GRAMD1B: variants seen among roughly 807,000 people sequenced by gnomAD.
GRAMD1B encodes protein Aster-B.
GRAMD1B carries 37 observed loss-of-function variants against 99.7 expected under a neutral mutation model. The observed-to-expected ratio is 0.37, with a 90% CI of 0.29 to 0.49. The LOEUF is 0.49. Among genes scored for constraint, GRAMD1B ranks in the 20% least tolerant of loss-of-function variants. The pLI is 0.98. For synonymous variants in GRAMD1B, 427 were observed against 387.6 expected, an observed-to-expected ratio of 1.10 and a Z score of -1.19; for missense variants, 888 against 1,009.2, an observed-to-expected ratio of 0.88 and a Z score of 1.63.
At position 123,603,559 on chromosome 11, in the gene GRAMD1B, C is replaced by A; in HGVS notation, c.1166+18C>A. 1 of 1,511,116 alleles carries A rather than the reference C, an allele frequency of 6.6e-7. No homozygotes were observed. The highest frequency in any genetic ancestry group is 9.2e-7 in the Non-Finnish European group (1 of 1,086,124). The allele number at this position is 1,511,116 out of a possible 1,614,324, so 93.6% of individuals were successfully genotyped here. On this transcript the variant is annotated intron_variant, in intron 9 of 19. Transcript: ENST00000635736. Reference sequence around the variant, plus strand: ...ACAATGGGGTGAGTGAGGCCAAGGGCGGCTGCCCAGAGGCAGCCGTGCGAG... The same window carrying A: ...ACAATGGGGTGAGTGAGGCCAAGGGAGGCTGCCCAGAGGCAGCCGTGCGAG...
rs560275583 is a variant in GRAMD1B, at chr11:123,525,924, T to C, written c.452+45031T>C. On this transcript the variant is annotated intron_variant, in intron 2 of 19. Transcript: ENST00000635736. ...GGCTGGATTTGCAGAATCTGTCCTT[T>C]GCCTCCAAGCCCAGCTTTCAGCTGG... 1.8e-4 allele frequency: 106 copies of C among 573,582 alleles called. 1 individual carries two copies. The East Asian group carries it at 3.0e-3, about 16-fold the overall frequency. The allele number at this position is 573,582 out of a possible 1,614,324, so 35.5% of individuals were successfully genotyped here. A position where few individuals can be genotyped will look rare whatever the true frequency, so the allele number is the denominator to read the frequency against.
chr11:123,480,747 C>T (rs1951551213), intron 1 of GRAMD1B, 69 bp from the exon 2 acceptor site: 1 of 398,560 alleles, frequency 2.5e-6, no homozygotes, highest in East Asian at 3.6e-5. Flanking sequence ...TAGTTGAAGT[C>T]TAAGTGACCT....
chr11:123,404,639 C>A (rs1005304433), intron 1 of GRAMD1B, among the ~76,000 whole-genome samples: 2 of 152,242 alleles, frequency 1.3e-5, no homozygotes, highest in Non-Finnish European at 2.9e-5. Context: ...TCATTCTAAT[C>A]TTCTCCTTTT....
rs142469964 is a variant in GRAMD1B at position 123,525,818 on chromosome 11, C to T, written c.452+44925C>T. 8.2e-4 allele frequency: 304 copies of T among 370,400 alleles called. 2 individuals carry two copies. Among genetic ancestry groups the T allele is most frequent in the Non-Finnish European group, 1.2e-3 (248 of 198,782 alleles). 22.9% of individuals were successfully genotyped at this position (370,400 alleles called of 1,614,324 possible). A position where few individuals can be genotyped will look rare whatever the true frequency, so the allele number is the denominator to read the frequency against. ...TTGACGGCAACTCCAGGGCTTGTTTCGCGCAGCCTTGCCAGCATTACCCAT... is the reference window on the plus strand; with the variant it reads ...TTGACGGCAACTCCAGGGCTTGTTTTGCGCAGCCTTGCCAGCATTACCCAT... On this transcript the variant is annotated intron_variant, in intron 2 of 19. Transcript: ENST00000635736.
intron 2 of GRAMD1B, among the ~76,000 whole-genome samples, chr11:123,561,722 C>T (rs1472890339): frequency 6.6e-6 from 1 of 152,256 alleles, no homozygotes; most frequent in African/African-American, 2.4e-5. Context: ...GCTCCTCTAC[C>T]TCCTGCCTCT....
At chr11:123,399,675 TCTCG>T (rs1372771868) in intron 1 of GRAMD1B, among the ~76,000 whole-genome samples, 3 of 152,182 alleles carry the variant, frequency 2.0e-5, no homozygotes, top group Non-Finnish European at 4.4e-5. Context: ...AGTGGCATGA[TCTCG>T]GCTCACTGCA....
intron 2 of GRAMD1B, among the ~76,000 whole-genome samples, chr11:123,524,347 T>C (rs1280707538): frequency 6.6e-6 from 1 of 151,146 alleles, no homozygotes; most frequent in African/African-American, 2.4e-5. Context: ...TATTTTATTT[T>C]ATTTTTTGTT....
At chr11:123,550,809 G>A (rs1304245238) in intron 2 of GRAMD1B, among the ~76,000 whole-genome samples, 1 of 152,230 alleles carries the variant, frequency 6.6e-6, no homozygotes, top group African/African-American at 2.4e-5. Flanking sequence ...GTAAGCCAGA[G>A]TGTGGTCACT....
chr11:123,460,046 G>C (rs1384500012), intron 1 of GRAMD1B: 2 of 152,094 alleles, frequency 1.3e-5, no homozygotes, highest in Admixed American at 6.6e-5. Flanking sequence ...ATTGGATATA[G>C]GCCAGGAGTG....
At chr11:123,392,672 C>T (rs564022067) in intron 1 of GRAMD1B, among the ~76,000 whole-genome samples, 62 of 152,158 alleles carry the variant, frequency 4.1e-4, no homozygotes, top group Admixed American at 6.6e-4. Context: ...AGCCCTAATG[C>T]CTGGTGCAGT....
chr11:123,377,884 C>G (rs1022014373), intron 1 of GRAMD1B, among the ~76,000 whole-genome samples: 1 of 152,222 alleles, frequency 6.6e-6, no homozygotes. Flanking sequence ...GCGCTTCCAG[C>G]TGAAAAGTGG....
rs1294356290 is a variant in GRAMD1B, at chr11:123,591,583, CTGCACCCTTGTTA to C, written c.685-2495_685-2483del. On this transcript the variant is annotated intron_variant, in intron 4 of 19. Transcript: ENST00000635736. This position sits in a 1 kb window ranked among gnomAD's most constrained non-coding sequence, Gnocchi z 4.7. ...GTTTCTCTGAGTCTCTGTGGTAGTT[CTGCACCCTTGTTA>C]TGCCACTTGGCTCTCCTACCCGAAG... 1 of 398,212 alleles carries C rather than the reference CTGCACCCTTGTTA, an allele frequency of 2.5e-6. No individual in the cohort carries two copies. Among genetic ancestry groups the C allele is most frequent in the Admixed American group, 4.4e-5 (1 of 22,692 alleles). The allele number at this position is 398,212 out of a possible 1,614,324, so 24.7% of individuals were successfully genotyped here.
chr11:123,399,955 A>G (rs1031602648), intron 1 of GRAMD1B, among the ~76,000 whole-genome samples: 2 of 152,090 alleles, frequency 1.3e-5, no homozygotes, highest in Non-Finnish European at 2.9e-5. Context: ...GTGTGAGGTA[A>G]TATCTCATTG....
chr11:123,364,352 G>T (rs935001348), intron 1 of GRAMD1B, among the ~76,000 whole-genome samples: 1 of 152,306 alleles, frequency 6.6e-6, no homozygotes, highest in South Asian at 2.1e-4. Flanking sequence ...CTATAAAAAG[G>T]TATCTTCGTC....
intron 1 of GRAMD1B, among the ~76,000 whole-genome samples, chr11:123,479,819 G>T (rs188146429): frequency 6.6e-6 from 1 of 152,156 alleles, no homozygotes; most frequent in African/African-American, 2.4e-5. Context: ...AACTTCATTT[G>T]TGGACACTAA....
chr11:123,379,381 G>A lies in GRAMD1B; in HGVS notation c.-176+20582G>A, dbSNP rs113676063. ...GTAGGGCAAGCTCAGGCTGTGAAGA[G>A]AGACACTGCTTTTTGTTGAGATATC... On this transcript the variant is annotated intron_variant, in intron 1 of 20. Coordinates refer to the GRAMD1B transcript ENST00000638157. Among the ~76,000 whole-genome samples the A allele has an allele frequency of 6.3e-3, 956 of 152,166 alleles. 9 individuals carry two copies. Among genetic ancestry groups the A allele is most frequent in the African/African-American group, 0.022 (904 of 41,502 alleles).
chr11:123,570,819 A>C lies in GRAMD1B; in HGVS notation c.453-6548A>C, dbSNP rs540404501. 3.3e-4 allele frequency among the ~76,000 whole-genome samples: 50 copies of C among 152,358 alleles called. 2 individuals carry two copies. In the South Asian group the frequency reaches 9.3e-3, roughly 28 times the overall value. ...TTACTTAGGTTATTTCATTTAACAC[A>C]GTAGTCCTATGAGATAGGTGTTTGT... On this transcript the variant is annotated intron_variant, in intron 2 of 19. Transcript: ENST00000635736.
intron 1 of GRAMD1B, among the ~76,000 whole-genome samples, chr11:123,411,379 G>A (rs1264756572): frequency 1.3e-5 from 2 of 152,056 alleles, no homozygotes; most frequent in African/African-American, 4.8e-5. Flanking sequence ...ATGGTGCCTG[G>A]CATATAGCAG....
chr11:123,626,960 C>A lies in GRAMD1B; in HGVS notation c.*4365C>A, dbSNP rs1305453586. 2 of 152,342 alleles carry A rather than the reference C, an allele frequency of 1.3e-5. No homozygotes were observed. The highest frequency in any genetic ancestry group is 1.3e-4 in the Admixed American group (2 of 15,262). The allele number at this position is 152,342 out of a possible 1,614,324, so 9.4% of individuals were successfully genotyped here. On this transcript the variant is annotated 3_prime_UTR_variant, in exon 20 of 20. Coordinates refer to ENST00000635736, the MANE Select transcript of GRAMD1B (RefSeq NM_001387025.1). The stretch of plus-strand genomic sequence containing the variant: ...TCTGCCCAGCCTTGTTACCTCACTT[C>A]TGCTCTGGCCATGGCTGTGAAGGGC...
Sources: gnomAD v4.1 joint callset for allele counts (sites outside exome capture counted in the v4.1 genomes callset) on GRCh38, gnomAD v4.1.1 for gene constraint, Gnocchi (gnomAD v3.1) non-coding constraint, MANE v1.5 for transcripts, NCBI Gene and HGNC (gene_info 2026-07-23, HGNC 2026-07-21) for gene names.